The following IGBP1 variants were observed in gnomAD, a reference collection of about 807,000 sequenced individuals.
IGBP1 encodes the protein immunoglobulin-binding protein 1.
Under a neutral mutation model 25.9 loss-of-function variants are expected in IGBP1, and 2 were observed. That is an observed-to-expected ratio of 0.08 (90% CI 0.03 to 0.24). The LOEUF (loss-of-function observed/expected upper bound fraction) is 0.24. Ranked by LOEUF, IGBP1 falls within the 10% of genes least tolerant of loss-of-function variation. The pLI is 1.00. For missense variants in IGBP1, 187 were observed against 260.4 expected, an observed-to-expected ratio of 0.72 and a Z score of 1.94; for synonymous variants, 96 against 93.4, an observed-to-expected ratio of 1.03 and a Z score of -0.16.
At chrX:70,160,010 C>T (rs1172544450) in intron 6 of IGBP1, among the ~76,000 whole-genome samples, 7 of 111,249 alleles carry the variant, frequency 6.3e-5, no homozygotes. Context: ...GCCGTTTGGC[C>T]CAGAGAGCAG....
At chrX:70,152,428 A>C (rs2147582490) in intron 6 of IGBP1, among the ~76,000 whole-genome samples, 1 of 107,796 alleles carries the variant, frequency 9.3e-6, no homozygotes, top group South Asian at 4.1e-4. Flanking sequence ...ACAATATATC[A>C]TTTGTCACGT....
At chrX:70,152,230 C>T (rs902495519) in intron 6 of IGBP1, among the ~76,000 whole-genome samples, 2 of 111,252 alleles carry the variant, frequency 1.8e-5, no homozygotes, top group African/African-American at 6.5e-5. Context: ...AAATCTCTGG[C>T]TGACTATGCA....
At chrX:70,159,413 G>A (rs779975848) in intron 6 of IGBP1, among the ~76,000 whole-genome samples, 1 of 111,776 alleles carries the variant, frequency 8.9e-6, no homozygotes, top group Non-Finnish European at 1.9e-5. Context: ...AAAGTTGCGC[G>A]GGGGGAATCT....
At chrX:70,154,241 T>A (rs900881433) in intron 6 of IGBP1, among the ~76,000 whole-genome samples, 1 of 107,148 alleles carries the variant, frequency 9.3e-6, no homozygotes, top group Non-Finnish European at 1.9e-5. Flanking sequence ...TAATTTTTTT[T>A]TTTTGTATTT....
intron 3 of IGBP1, among the ~76,000 whole-genome samples, chrX:70,138,904 G>T (rs948698704): frequency 8.9e-6 from 1 of 112,200 alleles, no homozygotes; most frequent in Non-Finnish European, 1.9e-5. Flanking sequence ...GATTTCTAGA[G>T]CCGGTGACTG....
intron 6 of IGBP1, among the ~76,000 whole-genome samples, chrX:70,162,712 G>A (rs1390276086): frequency 1.8e-5 from 2 of 112,078 alleles, no homozygotes; most frequent in Admixed American, 9.5e-5. Context: ...GGTGGCTCAC[G>A]CCTGTAATTC....
chrX:70,150,241 A>G lies in IGBP1; in HGVS notation c.790A>G (p.Thr264Ala), dbSNP rs373621131. The change falls in exon 6 of 7, where the codon ACT (threonine) becomes GCT (alanine). Residue 264 changes from threonine to alanine, a missense_variant. Transcript: ENST00000356413. ...VFGAGYPSLP[T>A]MTVSDWYEQH... ...TGGAGCTGGTTATCCAAGTCTGCCAACTATGACGGTGAGTGACTGGTATGA... is the reference window on the plus strand; with the variant it reads ...TGGAGCTGGTTATCCAAGTCTGCCAGCTATGACGGTGAGTGACTGGTATGA... 1.1e-4 allele frequency: 130 copies of G among 1,201,274 alleles called. No individual in the cohort carries two copies. The highest frequency in any genetic ancestry group is 1.4e-4 in the Non-Finnish European group (122 of 887,591).
At chrX:70,158,248 T>C (rs945661175) in intron 6 of IGBP1, among the ~76,000 whole-genome samples, 3 of 111,747 alleles carry the variant, frequency 2.7e-5, no homozygotes, top group Non-Finnish European at 5.6e-5. Flanking sequence ...TTGAAGTTGA[T>C]CCACCGGTCT....
chrX:70,135,679 A>G (rs181861397), intron 3 of IGBP1, among the ~76,000 whole-genome samples: 11 of 111,750 alleles, frequency 9.8e-5, no homozygotes, highest in Admixed American at 1.9e-4. Flanking sequence ...CATTAAAGAA[A>G]CAGTGGTGGG....
At chrX:70,154,714 C>CAAAAAAAAAAAA (rs762954223) in intron 6 of IGBP1, among the ~76,000 whole-genome samples, 752 of 26,867 alleles carry the variant, frequency 0.028, 132 homozygotes, top group Non-Finnish European at 0.035. Context: ...CCCCTCTCCA[C>CAAAAAAAAAAAA]AAAAAAAAAA....
chrX:70,153,852 G>A (rs564996689), intron 6 of IGBP1, among the ~76,000 whole-genome samples: 14 of 110,805 alleles, frequency 1.3e-4, no homozygotes, highest in African/African-American at 4.3e-4. Flanking sequence ...AACAGCTTCC[G>A]CTCCCCAAAG....
intron 6 of IGBP1, among the ~76,000 whole-genome samples, chrX:70,157,140 G>A (rs1459184057): frequency 9.0e-6 from 1 of 111,175 alleles, no homozygotes; most frequent in Non-Finnish European, 1.9e-5. Flanking sequence ...TACAGTGAAA[G>A]TACAGCATCA....
At chrX:70,155,494 CAAA>C (rs57946963) in intron 6 of IGBP1, among the ~76,000 whole-genome samples, 2 of 36,544 alleles carry the variant, frequency 5.5e-5, no homozygotes. Flanking sequence ...GACTCTGTCT[CAAA>C]AAAAAAAAAA....
At chrX:70,157,072 C>T (rs1223261756) in intron 6 of IGBP1, among the ~76,000 whole-genome samples, 1 of 112,095 alleles carries the variant, frequency 8.9e-6, no homozygotes. Context: ...ACATACTGTA[C>T]ACAATAAATA....
At chrX:70,161,045 A>C (rs955009337) in intron 6 of IGBP1, among the ~76,000 whole-genome samples, 4 of 111,735 alleles carry the variant, frequency 3.6e-5, no homozygotes, top group South Asian at 3.7e-4. Context: ...ACACACACAC[A>C]CACCCACCCC....
At chrX:70,136,467 A>G (rs1357893781) in intron 3 of IGBP1, among the ~76,000 whole-genome samples, 2 of 111,310 alleles carry the variant, frequency 1.8e-5, no homozygotes, top group Non-Finnish European at 3.8e-5. Context: ...TCAACTTACC[A>G]TATTTTCCAT....
At chrX:70,143,528 T>A (rs921094741) in intron 3 of IGBP1, among the ~76,000 whole-genome samples, 1 of 112,122 alleles carries the variant, frequency 8.9e-6, no homozygotes, top group African/African-American at 3.2e-5. Flanking sequence ...TCCTTAACTC[T>A]CTTCAACAGC....
chrX:70,163,594 T>A (rs1473023741), intron 6 of IGBP1, among the ~76,000 whole-genome samples: 1 of 111,559 alleles, frequency 9.0e-6, no homozygotes, highest in East Asian at 2.8e-4. Flanking sequence ...AATGAATGGG[T>A]CTCGGCATTG....
chrX:70,155,159 A>G (rs1273322219), intron 6 of IGBP1, among the ~76,000 whole-genome samples: 1 of 112,276 alleles, frequency 8.9e-6, no homozygotes, highest in Non-Finnish European at 1.9e-5. Context: ...CATGCTGTCT[A>G]TAAAAGATAC....
Sources: gnomAD v4.1 joint callset for allele counts (sites outside exome capture counted in the v4.1 genomes callset) on GRCh38, gnomAD v4.1.1 for gene constraint, MANE v1.5 for transcripts, NCBI Gene and HGNC (gene_info 2026-07-23, HGNC 2026-07-21) for gene names.